CLASP2: variants seen among roughly 807,000 people sequenced by gnomAD.
CLASP2 encodes the protein cytoplasmic linker associated protein 2, also known as CLIP-associating protein 2.
In CLASP2, 47 loss-of-function variants were observed where a neutral mutation model predicts 194.4. The ratio of observed to expected loss-of-function variants is 0.24; its 90% confidence interval spans 0.19 to 0.31. CLASP2 has a LOEUF of 0.31. Among genes scored for constraint, CLASP2 ranks in the 10% least tolerant of loss-of-function variants. CLASP2 has a pLI of 1.00. For synonymous variants in CLASP2, 619 were observed against 633.5 expected (o/e 0.98, Z 0.34); for missense variants, 1,445 against 1,823.6 (o/e 0.79, Z 3.78).
At chr3:33,574,438 TATC>T in intron 24 of CLASP2, 3 of 1,353,864 alleles carry the variant, frequency 2.2e-6, no homozygotes, top group Admixed American at 5.1e-5. Context: ...AAAGTTATGG[TATC>T]ATAAGATGTC....
At chr3:33,671,916 G>C (rs534034944) in intron 6 of CLASP2, among the ~76,000 whole-genome samples, 37 of 152,320 alleles carry the variant, frequency 2.4e-4, no homozygotes, top group African/African-American at 8.9e-4. Context: ...GCCCAGGCTT[G>C]CTTAGGTAAA....
intron 37 of CLASP2, chr3:33,503,897 C>T (rs551770819): frequency 6.6e-6 from 1 of 152,288 alleles, no homozygotes; most frequent in East Asian, 1.9e-4. Context: ...GAAGTGGTAT[C>T]TCATTGTGGT....
intron 8 of CLASP2, among the ~76,000 whole-genome samples, chr3:33,638,155 C>T (rs562976231): frequency 2.3e-4 from 35 of 152,144 alleles, no homozygotes; most frequent in Non-Finnish European, 4.1e-4. Flanking sequence ...TAAATAAACA[C>T]GGAGTAATAC....
intron 6 of CLASP2, among the ~76,000 whole-genome samples, chr3:33,668,625 T>C (rs1474880701): frequency 1.3e-5 from 2 of 152,332 alleles, no homozygotes; most frequent in East Asian, 1.9e-4. Context: ...TGTTGTTATT[T>C]TGAGGATTCG....
chr3:33,535,395 C>T lies in CLASP2; in HGVS notation c.3625G>A (p.Ala1209Thr), dbSNP rs1439791528. Residue 1209 changes from alanine (A) to threonine (T), a missense_variant, in exon 34 of 39, where the codon GCT (alanine) becomes ACT (threonine). Transcript: ENST00000682230. ...GGDATDSSQT[A>T]LDNKASLLHS... ...AGCAATGAAGCTTTATTATCAAGAG[C>T]TGTTTGACTTGAGTCAGTAGCATCA... The T allele has an allele frequency of 3.7e-6, 6 of 1,613,864 alleles. No homozygotes were observed. The highest frequency in any genetic ancestry group is 5.1e-6 in the Non-Finnish European group (6 of 1,179,888).
intron 12 of CLASP2, among the ~76,000 whole-genome samples, chr3:33,616,179 A>C (rs1291590942): frequency 1.3e-5 from 2 of 152,136 alleles, no homozygotes; most frequent in African/African-American, 4.8e-5. Flanking sequence ...TCTAAAAAGA[A>C]AAAGTCAGCT....
At chr3:33,712,498 GA>G (rs2093061622) in intron 1 of CLASP2, among the ~76,000 whole-genome samples, 1 of 151,948 alleles carries the variant, frequency 6.6e-6, no homozygotes, top group African/African-American at 2.4e-5. Context: ...CAAAACCACT[GA>G]AATTATAATA....
chr3:33,717,415 C>A (rs558539421), intron 1 of CLASP2, among the ~76,000 whole-genome samples: 1 of 152,060 alleles, frequency 6.6e-6, no homozygotes, highest in African/African-American at 2.4e-5. Context: ...CCCCTGTTTC[C>A]CCTATTTTTA....
intron 1 of CLASP2, among the ~76,000 whole-genome samples, chr3:33,698,549 A>T (rs2092134737): frequency 6.6e-6 from 1 of 152,206 alleles, no homozygotes; most frequent in Non-Finnish European, 1.5e-5. Context: ...ATCCTCTATG[A>T]AGCACAAGAA....
At chr3:33,636,889 C>G (rs1013764321) in intron 8 of CLASP2, among the ~76,000 whole-genome samples, 1 of 152,198 alleles carries the variant, frequency 6.6e-6, no homozygotes, top group Admixed American at 6.5e-5. Flanking sequence ...GTGTGAGCCA[C>G]TATGCCTGGC....
intron 2 of CLASP2, among the ~76,000 whole-genome samples, chr3:33,693,757 C>A (rs952036968): frequency 2.0e-5 from 3 of 152,104 alleles, no homozygotes; most frequent in Non-Finnish European, 4.4e-5. Flanking sequence ...GTTCAAGTTT[C>A]ATTAAGGAAA....
chr3:33,610,746 C>T (rs1250154185), intron 13 of CLASP2, among the ~76,000 whole-genome samples: 1 of 152,162 alleles, frequency 6.6e-6, no homozygotes, highest in Admixed American at 6.5e-5. Context: ...GTAGGCTGTA[C>T]AAAACCAGAC....
intron 30 of CLASP2, 92 bp from the exon 31 acceptor site, chr3:33,544,933 G>T: frequency 2.4e-6 from 2 of 838,522 alleles, no homozygotes; most frequent in Non-Finnish European, 3.4e-6. Context: ...ATAGCACGAA[G>T]CTTGACCATC....
intron 22 of CLASP2, 103 bp downstream of exon 22, chr3:33,584,647 T>C (rs2066936937): frequency 9.8e-7 from 1 of 1,020,440 alleles, no homozygotes. Context: ...TTCTTCTAAT[T>C]TGTAAGTCCT....
Position 33,663,594 on chromosome 3 carries a change from C to G in CLASP2, c.645-79G>C, listed in dbSNP as rs1424979792. ...AATAGAAACAATTTCCTTCACCATT[C>G]CCTTAGAAAAAACAATTGTAGGGAT... On this transcript the variant is annotated intron_variant, in intron 6 of 38. Coordinates refer to ENST00000682230, the MANE Select transcript of CLASP2 (RefSeq NM_001365631.1). 5.0e-6 allele frequency: 5 copies of G among 1,001,420 alleles called. No individual in the cohort carries two copies. The South Asian group carries it at 5.8e-5, about 12-fold the overall frequency. The allele number at this position is 1,001,420 out of a possible 1,614,324, so 62.0% of individuals were successfully genotyped here.
chr3:33,510,452 A>T lies in CLASP2; in HGVS notation c.4317+106T>A, dbSNP rs2049420673. ...TCTTTGTCCTGAATATTGCAGACAA[A>T]CGGGAGGAAGGCTTGATCATGCCAG... On this transcript the variant is annotated intron_variant, in intron 37 of 38. Transcript: ENST00000682230. 5.8e-6 allele frequency: 6 copies of T among 1,028,992 alleles called. No individual in the cohort carries two copies. In the Admixed American group the frequency reaches 8.8e-5, roughly 15 times the overall value. The allele number at this position is 1,028,992 out of a possible 1,614,324, so 63.7% of individuals were successfully genotyped here.
At chr3:33,593,673 TG>T (rs1356066233) in intron 20 of CLASP2, among the ~76,000 whole-genome samples, 1 of 152,194 alleles carries the variant, frequency 6.6e-6, no homozygotes, top group Non-Finnish European at 1.5e-5. Context: ...CAGTCTATTT[TG>T]AGCAGGACAC....
intron 37 of CLASP2, chr3:33,504,360 T>C (rs1199826967): frequency 6.6e-6 from 1 of 152,228 alleles, no homozygotes; most frequent in Non-Finnish European, 1.5e-5. Context: ...TGAGTAAATT[T>C]TGTTTACGGT....
Position 33,546,609 on chromosome 3 carries a change from T to G in CLASP2, c.3154-1768A>C, listed in dbSNP as rs190270224. Among the ~76,000 whole-genome samples the G allele has an allele frequency of 2.6e-5, 4 of 152,336 alleles. No homozygotes were observed. The East Asian group carries it at 7.7e-4, about 29-fold the overall frequency. On this transcript the variant is annotated intron_variant, in intron 30 of 38. Coordinates refer to ENST00000682230, the MANE Select transcript of CLASP2 (RefSeq NM_001365631.1). ...GTAATGCTTGTTTTTACTGATAGGA[T>G]TCATAGGCTTATAAAATTATTTCTT...
Sources: gnomAD v4.1 joint callset for allele counts (sites outside exome capture counted in the v4.1 genomes callset) on GRCh38, gnomAD v4.1.1 for gene constraint, MANE v1.5 for transcripts, NCBI Gene and HGNC (gene_info 2026-07-23, HGNC 2026-07-21) for gene names.